KCNN1: variants seen among roughly 807,000 people sequenced by gnomAD.
KCNN1 encodes small conductance calcium-activated potassium channel protein 1.
Under a neutral mutation model 44.7 loss-of-function variants are expected in KCNN1, and 20 were observed. The observed-to-expected ratio is 0.45, with a 90% CI of 0.32 to 0.65. The LOEUF (loss-of-function observed/expected upper bound fraction) is 0.65, where lower values mean the gene tolerates loss of function less well. KCNN1 is among the 30% of genes least tolerant of loss of function. The probability of loss-of-function intolerance (pLI) is 0.05; values close to 1 mark genes in which losing one functional copy is unlikely to be tolerated. For missense variants in KCNN1, 632 were observed against 785.3 expected (o/e 0.80, Z 2.33); for synonymous variants, 324 against 341.7 (o/e 0.95, Z 0.57).
At chr19:17,962,434 A>G (rs140427363), upstream of KCNN1, among the ~76,000 whole-genome samples, 329 of 152,112 alleles carry the variant, frequency 2.2e-3, 1 homozygote, top group African/African-American at 7.6e-3. Flanking sequence ...TGTATTTATC[A>G]TATCAAAGCC....
chr19:17,991,562 G>A (rs1182874807), intron 7 of KCNN1, among the ~76,000 whole-genome samples: 1 of 151,696 alleles, frequency 6.6e-6, no homozygotes, highest in African/African-American at 2.4e-5. Context: ...GCGAAACCTT[G>A]TCTCTACTAA....
At chr19:17,981,150 G>C (rs1192410545) in intron 3 of KCNN1, among the ~76,000 whole-genome samples, 1 of 152,038 alleles carries the variant, frequency 6.6e-6, no homozygotes, top group Non-Finnish European at 1.5e-5. Flanking sequence ...CCGGGAGGCA[G>C]AGGTTGCCAA....
chr19:17,956,876 G>A (rs191801486), intron 2 of KCNN1, among the ~76,000 whole-genome samples: 12 of 151,650 alleles, frequency 7.9e-5, no homozygotes, highest in African/African-American at 2.2e-4. Context: ...GTGAAACCCC[G>A]TCTCTACTAA....
chr19:17,961,315 G>A (rs904848698), intron 2 of KCNN1, among the ~76,000 whole-genome samples: 17 of 151,778 alleles, frequency 1.1e-4, no homozygotes, highest in African/African-American at 3.9e-4. Flanking sequence ...AGTGGTTCAC[G>A]CTTATAATCC....
Position 17,993,087 on chromosome 19 carries a change from T to TG in KCNN1, c.1307+29dup. 1 of 1,613,364 alleles carries TG rather than the reference T, an allele frequency of 6.2e-7. No homozygotes were observed. The highest frequency in any genetic ancestry group is 1.6e-4 in the Middle Eastern group (1 of 6,062). On this transcript the variant is annotated intron_variant, in intron 8 of 9. Transcript: ENST00000684775. This position sits in a 1 kb window ranked among gnomAD's most constrained non-coding sequence, Gnocchi z 4.5. ...AGTAAGTGTTCTCCCAGGGGCTTGG[T>TG]GGGGCTGGGAAATCGGGGGTGCATG...
chr19:17,965,761 G>A (rs1022884137), upstream of KCNN1, among the ~76,000 whole-genome samples: 2 of 152,004 alleles, frequency 1.3e-5, no homozygotes, highest in African/African-American at 2.4e-5. Context: ...ATCCAACCCC[G>A]CCTGGTACCT....
At chr19:17,986,362 CAAA>C (rs34295668) in intron 5 of KCNN1, among the ~76,000 whole-genome samples, 3 of 140,406 alleles carry the variant, frequency 2.1e-5, no homozygotes, top group Admixed American at 7.2e-5. Context: ...AACTAAGTCT[CAAA>C]AAAAAAAAAA....
chr19:17,985,477 TG>T, intron 5 of KCNN1, 24 bp downstream of exon 5: 1 of 1,546,242 alleles, frequency 6.5e-7, no homozygotes, highest in Non-Finnish European at 8.8e-7. Context: ...TCCATGTGTA[TG>T]ATCCTGGGAG....
At chr19:17,967,104 G>C (rs2031835363), upstream of KCNN1, 5 of 980,314 alleles carry the variant, frequency 5.1e-6, no homozygotes, top group African/African-American at 8.8e-5. Flanking sequence ...TCCCGGCCCG[G>C]GCGGGCGCTC....
Position 17,999,925 on chromosome 19 carries a change from C to T in KCNN1, c.*1519C>T. The T allele has an allele frequency of 2.2e-6, 1 of 455,196 alleles. No individual in the cohort carries two copies. The highest frequency in any genetic ancestry group is 1.6e-5 in the South Asian group (1 of 64,510). The allele number at this position is 455,196 out of a possible 1,614,324, so 28.2% of individuals were successfully genotyped here. The stretch of plus-strand genomic sequence containing the variant: ...ACCCGGGTTCGAGTCCTGACTCTGC[C>T]ACTGCTGGGTGACTCTGAGCAGTGG... On this transcript the variant is annotated 3_prime_UTR_variant, in exon 10 of 10. Coordinates refer to ENST00000684775, the MANE Select transcript of KCNN1 (RefSeq NM_001386974.1).
Position 17,967,273 on chromosome 19 carries a change from C to T in KCNN1, c.-126C>T, listed in dbSNP as rs1252361863. On this transcript the variant is annotated 5_prime_UTR_variant, in exon 1 of 10. Coordinates refer to ENST00000684775, the MANE Select transcript of KCNN1 (RefSeq NM_001386974.1). ...TGGGGGTCCGCGGCCGCGCGGGACC[C>T]TCTCCCCTCCAGCCTTGTCCGCCCG... 5 of 985,348 alleles carry T rather than the reference C, an allele frequency of 5.1e-6. No individual in the cohort carries two copies. The highest frequency in any genetic ancestry group is 1.7e-5 in the African/African-American group (1 of 57,192). The allele number at this position is 985,348 out of a possible 1,614,324, so 61.0% of individuals were successfully genotyped here. A position where few individuals can be genotyped will look rare whatever the true frequency, so the allele number is the denominator to read the frequency against.
chr19:17,971,870 A>G (rs1361081432), intron 1 of KCNN1, among the ~76,000 whole-genome samples: 1 of 151,972 alleles, frequency 6.6e-6, no homozygotes, highest in Non-Finnish European at 1.5e-5. Flanking sequence ...GAACATTTAC[A>G]TAAAGAATGG....
At chr19:17,955,588 GA>G (rs1024740889) in intron 2 of KCNN1, among the ~76,000 whole-genome samples, 20 of 146,380 alleles carry the variant, frequency 1.4e-4, no homozygotes, top group South Asian at 8.5e-4. Flanking sequence ...AAGAAAGAAA[GA>G]AAAAAAATAA....
chr19:17,962,590 G>C (rs543997288), upstream of KCNN1, among the ~76,000 whole-genome samples: 2 of 152,128 alleles, frequency 1.3e-5, no homozygotes, highest in South Asian at 4.2e-4. Flanking sequence ...CCTGAATCCC[G>C]AGAGCTCAGG....
chr19:17,961,772 A>G (rs2031687406), intron 2 of KCNN1, among the ~76,000 whole-genome samples: 1 of 152,078 alleles, frequency 6.6e-6, no homozygotes, highest in African/African-American at 2.4e-5. Context: ...TAGTAGAAAC[A>G]GGGTTTCACC....
chr19:17,995,300 A>C (rs1158153619), intron 9 of KCNN1, among the ~76,000 whole-genome samples: 1 of 151,314 alleles, frequency 6.6e-6, no homozygotes, highest in Non-Finnish European at 1.5e-5. Context: ...CATCCTCTTG[A>C]GTAGCTGGGA....
intron 2 of KCNN1, among the ~76,000 whole-genome samples, chr19:17,957,133 G>A (rs1310565650): frequency 7.4e-6 from 1 of 134,660 alleles, no homozygotes; most frequent in Non-Finnish European, 1.6e-5. Flanking sequence ...AAGGAAGGAA[G>A]GAAAGGATGG....
intron 9 of KCNN1, among the ~76,000 whole-genome samples, chr19:17,994,807 G>A (rs916704701): frequency 7.2e-5 from 11 of 152,220 alleles, no homozygotes; most frequent in African/African-American, 2.7e-4. Context: ...GCCTCCCAAA[G>A]TGTTGGGATT....
rs753480253 is a variant in KCNN1, at chr19:17,982,026, C to T, written c.816C>T (p.Phe272=). The part of the protein sequence containing the change: ...ALNKITFNTR[F]VMKTLMTICP... ...ACAAGATCACCTTCAACACGCGCTTCGTCATGAAGACACTCATGACCATCT... is the reference window on the plus strand; with the variant it reads ...ACAAGATCACCTTCAACACGCGCTTTGTCATGAAGACACTCATGACCATCT... Residue 272 remains phenylalanine, a synonymous_variant, in exon 4 of 10, where the codon TTC becomes TTT. Transcript: ENST00000684775. 54 of 1,609,782 alleles carry T rather than the reference C, an allele frequency of 3.4e-5. No individual in the cohort carries two copies. Among genetic ancestry groups the T allele is most frequent in the African/African-American group, 1.6e-4 (12 of 74,826 alleles).
Sources: allele counts gnomAD v4.1 joint callset (sites outside exome capture counted in the v4.1 genomes callset), GRCh38; gene constraint gnomAD v4.1.1; non-coding constraint Gnocchi (gnomAD v3.1); transcripts MANE v1.5; gene names NCBI Gene and HGNC (gene_info 2026-07-23, HGNC 2026-07-21).